Variants in KCNIP4 observed in about 807,000 individuals in gnomAD.
The protein encoded by KCNIP4 is Kv channel-interacting protein 4.
KCNIP4 carries 12 observed loss-of-function variants against 34.0 expected under a neutral mutation model. The ratio of observed to expected loss-of-function variants is 0.35; its 90% CI spans 0.23 to 0.57. The LOEUF (loss-of-function observed/expected upper bound fraction) is 0.57, where lower values mean the gene tolerates loss of function less well. Among genes scored for constraint, KCNIP4 ranks in the 20% least tolerant of loss-of-function variants. The probability of loss-of-function intolerance (pLI) is 0.83; values close to 1 mark genes in which losing one functional copy is unlikely to be tolerated. For synonymous variants in KCNIP4, 124 were observed against 102.2 expected (o/e 1.21, Z -1.29); for missense variants, 238 against 311.7 (o/e 0.76, Z 1.78).
At chr4:21,618,620 TTTTC>T (rs1439612830) in intron 1 of KCNIP4, among the ~76,000 whole-genome samples, 2 of 125,924 alleles carry the variant, frequency 1.6e-5, no homozygotes, top group African/African-American at 2.8e-5. Flanking sequence ...TTCTTTTTCT[TTTTC>T]TTTTTCTTTT....
chr4:21,065,202 G>A (rs1381728434), intron 1 of KCNIP4, among the ~76,000 whole-genome samples: 2 of 151,826 alleles, frequency 1.3e-5, no homozygotes, highest in African/African-American at 4.8e-5. Flanking sequence ...GACACGCTGA[G>A]CAGCTTGTGG....
At chr4:21,042,719 T>G (rs1742074589) in intron 1 of KCNIP4, among the ~76,000 whole-genome samples, 1 of 152,168 alleles carries the variant, frequency 6.6e-6, no homozygotes, top group Non-Finnish European at 1.5e-5. Context: ...TGATATATGA[T>G]AAATGCCGAT....
At chr4:21,207,208 G>A (rs969252297) in intron 1 of KCNIP4, among the ~76,000 whole-genome samples, 1 of 152,106 alleles carries the variant, frequency 6.6e-6, no homozygotes, top group Non-Finnish European at 1.5e-5. Flanking sequence ...AAGTTATAAT[G>A]TATTAGAAAA....
chr4:21,246,372 A>C (rs6823638), intron 1 of KCNIP4, among the ~76,000 whole-genome samples: 34,839 of 152,106 alleles, frequency 0.23, 6,355 homozygotes, highest in African/African-American at 0.5. Context: ...GAGACCCACA[A>C]AACCTTCAAA....
At chr4:21,039,637 CAG>C (rs1364467509) in intron 1 of KCNIP4, among the ~76,000 whole-genome samples, 1 of 152,074 alleles carries the variant, frequency 6.6e-6, no homozygotes, top group East Asian at 1.9e-4. Flanking sequence ...ATGAAATAAA[CAG>C]AATGTGACAA....
intron 1 of KCNIP4, among the ~76,000 whole-genome samples, chr4:21,548,829 A>C (rs1350716): frequency 0.36 from 55,078 of 151,736 alleles, 10,259 homozygotes; most frequent in South Asian, 0.52. Flanking sequence ...TATAAATTAT[A>C]ATTTAAGCAT....
chr4:20,970,120 T>G (rs1734785360), intron 1 of KCNIP4, among the ~76,000 whole-genome samples: 1 of 151,928 alleles, frequency 6.6e-6, no homozygotes, highest in African/African-American at 2.4e-5. Context: ...TTTTTGTATT[T>G]TTAGTAAATA....
intron 1 of KCNIP4, among the ~76,000 whole-genome samples, chr4:21,457,683 A>G (rs358570): frequency 0.72 from 109,023 of 151,814 alleles, 39,645 homozygotes; most frequent in African/African-American, 0.81. Context: ...GAGAGTATGG[A>G]CAGATGGAAG....
At position 21,675,486 on chromosome 4, in the gene KCNIP4, G is replaced by A. The variant is rs539068263; in HGVS notation, c.61+273085C>T. Among the ~76,000 whole-genome samples the A allele has an allele frequency of 4.0e-3, 606 of 152,168 alleles. 4 individuals carry two copies. Among genetic ancestry groups the A allele is most frequent in the African/African-American group, 0.014 (581 of 41,512 alleles). On this transcript the variant is annotated intron_variant, in intron 1 of 8. Coordinates refer to ENST00000382152, the MANE Select transcript of KCNIP4 (RefSeq NM_025221.6). ...TAACTCAAAGGATAAATGCTTGAGG[G>A]GATGGACACCCCATTCTCCATGATG...
intron 1 of KCNIP4, among the ~76,000 whole-genome samples, chr4:21,463,352 T>A (rs1264986902): frequency 8.5e-5 from 13 of 152,108 alleles, no homozygotes; most frequent in African/African-American, 2.4e-5. Context: ...TCGCCTATTT[T>A]TAAACCAGAT....
At chr4:20,947,143 G>A (rs1003835119) in intron 1 of KCNIP4, among the ~76,000 whole-genome samples, 1 of 151,970 alleles carries the variant, frequency 6.6e-6, no homozygotes, top group Non-Finnish European at 1.5e-5. Flanking sequence ...GACTTTGCCT[G>A]ATATTCCTAG....
Position 21,341,029 on chromosome 4 carries a change from T to A in KCNIP4, c.62-458320A>T, listed in dbSNP as rs370594841. On this transcript the variant is annotated intron_variant, in intron 1 of 8. Coordinates refer to ENST00000382152, the MANE Select transcript of KCNIP4 (RefSeq NM_025221.6). ...TGGATGGATGAAAGTGGGCCCTAAT[T>A]TCAATAAATGGTGTTCCATAAGACC... 4.6e-5 allele frequency among the ~76,000 whole-genome samples: 7 copies of A among 152,188 alleles called. No individual in the cohort carries two copies. In the East Asian group the frequency reaches 9.7e-4, roughly 21 times the overall value.
At chr4:21,311,633 G>C (rs1713195631) in intron 1 of KCNIP4, among the ~76,000 whole-genome samples, 1 of 144,828 alleles carries the variant, frequency 6.9e-6, no homozygotes, top group Non-Finnish European at 1.5e-5. Flanking sequence ...AGGTTGCAGT[G>C]AGCCGAGATC....
At chr4:21,398,989 A>G (rs1723241251) in intron 1 of KCNIP4, among the ~76,000 whole-genome samples, 1 of 152,208 alleles carries the variant, frequency 6.6e-6, no homozygotes, top group Non-Finnish European at 1.5e-5. Context: ...ATCTCTTTCA[A>G]AATCTGTTTA....
At chr4:21,674,005 A>T (rs992565422) in intron 1 of KCNIP4, among the ~76,000 whole-genome samples, 1 of 152,208 alleles carries the variant, frequency 6.6e-6, no homozygotes, top group Non-Finnish European at 1.5e-5. Flanking sequence ...CCTTGCAGGG[A>T]GTGTTTGAAA....
At chr4:21,618,537 C>T (rs952527827) in intron 1 of KCNIP4, among the ~76,000 whole-genome samples, 1 of 151,132 alleles carries the variant, frequency 6.6e-6, no homozygotes, top group Non-Finnish European at 1.5e-5. Context: ...TGCATTCTCT[C>T]TTTCTCCTTC....
At chr4:21,322,464 G>C (rs1030661465) in intron 1 of KCNIP4, among the ~76,000 whole-genome samples, 1 of 152,102 alleles carries the variant, frequency 6.6e-6, no homozygotes, top group African/African-American at 2.4e-5. Flanking sequence ...ACACATAACA[G>C]TTACTGTAAT....
At chr4:20,921,029 A>C (rs956538858) in intron 1 of KCNIP4, among the ~76,000 whole-genome samples, 3 of 152,238 alleles carry the variant, frequency 2.0e-5, no homozygotes, top group African/African-American at 7.2e-5. Context: ...GCTTTGCCAC[A>C]GGATAGAGGA....
chr4:20,962,878 T>G (rs1420364600), intron 1 of KCNIP4, among the ~76,000 whole-genome samples: 2 of 152,192 alleles, frequency 1.3e-5, no homozygotes, highest in African/African-American at 4.8e-5. Flanking sequence ...CCATTTCAGT[T>G]TGGCTTACCA....
Sources: allele counts gnomAD v4.1 joint callset (sites outside exome capture counted in the v4.1 genomes callset), GRCh38; gene constraint gnomAD v4.1.1; transcripts MANE v1.5; gene names NCBI Gene and HGNC (gene_info 2026-07-23, HGNC 2026-07-21).